Variants in CTBP1 observed in about 807,000 individuals in gnomAD.
CTBP1 encodes the protein C-terminal-binding protein 1.
CTBP1 carries 11 observed loss-of-function variants against 42.1 expected under a neutral mutation model. That is an observed-to-expected ratio of 0.26 (90% CI 0.16 to 0.43). CTBP1 has a LOEUF of 0.43. Ranked by LOEUF, CTBP1 falls within the 20% of genes least tolerant of loss-of-function variation. The pLI is 1.00. For synonymous variants in CTBP1, 324 were observed against 277.1 expected, an observed-to-expected ratio of 1.17 and a Z score of -1.68; for missense variants, 399 against 624.3, an observed-to-expected ratio of 0.64 and a Z score of 3.85.
chr4:1,220,324 A>G (rs1389170868), intron 5 of CTBP1, among the ~76,000 whole-genome samples: 1 of 152,148 alleles, frequency 6.6e-6, no homozygotes, highest in African/African-American at 2.4e-5. Context: ...TTAAACATTT[A>G]TAACAGCATT....
At chr4:1,244,357 G>C (rs1434235514) in intron 1 of CTBP1, 1 of 978,046 alleles carries the variant, frequency 1.0e-6, no homozygotes. Context: ...TGGGCACTGG[G>C]GGGGGGGTGT....
chr4:1,214,556 C>A, intron 6 of CTBP1, 83 bp from the exon 7 acceptor site: 3 of 1,469,964 alleles, frequency 2.0e-6, no homozygotes, highest in Non-Finnish European at 2.7e-6. Context: ...TCACGCACGC[C>A]GTTGGGAAGG....
rs537598958 is a variant in CTBP1, at chr4:1,244,186, G to C, written c.-188-2667C>G. On this transcript the variant is annotated intron_variant, in intron 1 of 9. Transcript: ENST00000382952. The stretch of plus-strand genomic sequence containing the variant: ...GATGCACATCACCATCTGCTTGCCG[G>C]ATCCTCCCTCCTGTTGGCCACGCCT... The C allele has an allele frequency of 3.8e-5, 37 of 985,142 alleles. No individual in the cohort carries two copies. The African/African-American group carries it at 6.3e-4, about 17-fold the overall frequency. 61.0% of individuals were successfully genotyped at this position (985,142 alleles called of 1,614,324 possible). A position where few individuals can be genotyped will look rare whatever the true frequency, so the allele number is the denominator to read the frequency against.
chr4:1,242,338 G>A (rs1732264195), intron 1 of CTBP1: 3 of 985,358 alleles, frequency 3.0e-6, no homozygotes, highest in Middle Eastern at 5.2e-4. Context: ...TGACCCCAAC[G>A]TGCAGCTGAC....
intron 3 of CTBP1, among the ~76,000 whole-genome samples, chr4:1,234,195 CCA>C (rs1333784792): frequency 6.6e-6 from 1 of 152,260 alleles, no homozygotes; most frequent in South Asian, 2.1e-4. Context: ...CCTGCAGACT[CCA>C]CACACAGCCC....
At position 1,225,387 on chromosome 4, in the gene CTBP1, C is replaced by T. The variant is rs556334680; in HGVS notation, c.487G>A (p.Gly163Arg). The change falls in exon 5 of 10, where the codon GGG becomes AGG. Residue 163 changes from glycine to arginine, a missense_variant. Around this residue, in one of 4 missense-constraint regions of CTBP1, gnomAD observed 309 missense variants for 497.5 expected, o/e 0.62. Coordinates refer to ENST00000382952, the MANE Select transcript of CTBP1 (RefSeq NM_001012614.2). Reference sequence around the variant, plus strand: ...AGTCCGATGATGCCCAAGGTCTCCCCGCGGATCCTGGCAGCGCCGGACGCC... The same window carrying T: ...AGTCCGATGATGCCCAAGGTCTCCCTGCGGATCCTGGCAGCGCCGGACGCC... ...EVASGAARIR[G>R]ETLGIIGLGR... The T allele has an allele frequency of 5.7e-6, 9 of 1,566,420 alleles. No homozygotes were observed. Among genetic ancestry groups the T allele is most frequent in the East Asian group, 2.4e-5 (1 of 41,932 alleles).
chr4:1,242,530 C>T (rs1244331300), intron 1 of CTBP1: 2 of 984,992 alleles, frequency 2.0e-6, no homozygotes, highest in Non-Finnish European at 2.4e-6. Flanking sequence ...TCAACTCCCT[C>T]TGCAGGATTC....
At chr4:1,214,632 G>A (rs567794580) in intron 6 of CTBP1, among the ~76,000 whole-genome samples, 159 bp from the exon 7 acceptor site, 2 of 152,330 alleles carry the variant, frequency 1.3e-5, no homozygotes, top group East Asian at 3.9e-4. Flanking sequence ...TGAAGGCCTC[G>A]GGCGTGCTGC....
chr4:1,231,160 A>G (rs12643212), intron 3 of CTBP1: 48,369 of 152,232 alleles, frequency 0.32, 9,136 homozygotes, highest in Non-Finnish European at 0.42. Flanking sequence ...TGTGCGCTTT[A>G]CCACGTGGCG....
chr4:1,244,635 T>C (rs1337312593), intron 1 of CTBP1: 15 of 985,230 alleles, frequency 1.5e-5, no homozygotes, highest in Non-Finnish European at 1.8e-5. Context: ...CTAAAGCCGC[T>C]GCCCAGGAAG....
intron 5 of CTBP1, among the ~76,000 whole-genome samples, chr4:1,222,716 G>A (rs1372653209): frequency 3.3e-5 from 5 of 152,178 alleles, no homozygotes; most frequent in Admixed American, 3.3e-4. Flanking sequence ...CTCAGCACGG[G>A]GCCCTGGGAG....
rs112413071 is a variant in CTBP1, at chr4:1,225,602, C to T, written c.308-36G>A. The T allele has an allele frequency of 5.9e-5, 90 of 1,521,900 alleles. 1 individual carries two copies. In the African/African-American group the frequency reaches 9.3e-4, roughly 16 times the overall value. 94.3% of individuals were successfully genotyped at this position (1,521,900 alleles called of 1,614,324 possible). ...AAGGACACGGCGGTCACCCCCGGGCCGGGCCCAGCCTCCGGGAGGACACCG... is the reference window on the plus strand; with the variant it reads ...AAGGACACGGCGGTCACCCCCGGGCTGGGCCCAGCCTCCGGGAGGACACCG... On this transcript the variant is annotated intron_variant, in intron 4 of 9. Transcript: ENST00000382952.
At chr4:1,226,427 G>A (rs3775104) in intron 4 of CTBP1, among the ~76,000 whole-genome samples, 1 of 152,062 alleles carries the variant, frequency 6.6e-6, no homozygotes, top group Non-Finnish European at 1.5e-5. Flanking sequence ...GGTTCCGCAA[G>A]GGGTCCCGGG....
At chr4:1,214,256 G>A (rs1036836403) in intron 7 of CTBP1, 87 bp downstream of exon 7, 2 of 1,419,672 alleles carry the variant, frequency 1.4e-6, no homozygotes, top group Non-Finnish European at 1.8e-6. Context: ...GCAAGTGTCC[G>A]GCCTGGCAGA....
rs768492475 is a variant in CTBP1, at chr4:1,238,094, C to T, written c.162+89G>A. ...GCTCCTGCCCCAGTGGCACCCAGAC[C>T]TGCTGTGGCCCGGGCCTGCCGTGCT... On this transcript the variant is annotated intron_variant, in intron 3 of 9. Transcript: ENST00000382952. This position sits in a 1 kb window ranked among gnomAD's most constrained non-coding sequence, Gnocchi z 5.9. The T allele has an allele frequency of 3.1e-5, 48 of 1,564,120 alleles. 1 individual carries two copies. The South Asian group carries it at 5.0e-4, about 16-fold the overall frequency.
rs1731439783 is a variant in CTBP1, at chr4:1,235,815, G to A, written c.162+2368C>T. 6.6e-6 allele frequency: 1 copy of A among 152,238 alleles called. No individual in the cohort carries two copies. Among genetic ancestry groups the A allele is most frequent in the Admixed American group, 6.5e-5 (1 of 15,290 alleles). The allele number at this position is 152,238 out of a possible 1,614,324, so 9.4% of individuals were successfully genotyped here. On this transcript the variant is annotated intron_variant, in intron 3 of 9. Transcript: ENST00000382952. This position sits in a 1 kb window ranked among gnomAD's most constrained non-coding sequence, Gnocchi z 4.2. Reference sequence around the variant, plus strand: ...ACCCCGCACCAGATGGTGATTTGTAGAAATGACCCGAGGCCTCGGCTGACG... The same window carrying A: ...ACCCCGCACCAGATGGTGATTTGTAAAAATGACCCGAGGCCTCGGCTGACG...
chr4:1,222,079 A>T (rs904763712), intron 5 of CTBP1, among the ~76,000 whole-genome samples: 2 of 152,212 alleles, frequency 1.3e-5, no homozygotes, highest in Non-Finnish European at 2.9e-5. Flanking sequence ...GTGTGTGCAC[A>T]GCAGAGGGCA....
chr4:1,243,972 A>G, intron 1 of CTBP1: 2 of 985,046 alleles, frequency 2.0e-6, no homozygotes, highest in Non-Finnish European at 2.4e-6. Context: ...AGCACATGGA[A>G]GCTTGTGCTT....
chr4:1,232,035 G>A (rs1371430551), intron 3 of CTBP1, among the ~76,000 whole-genome samples: 1 of 152,242 alleles, frequency 6.6e-6, no homozygotes, highest in African/African-American at 2.4e-5. Context: ...CTGATTGGGA[G>A]GAGTCTTTGA....
Sources: allele counts gnomAD v4.1 joint callset (sites outside exome capture counted in the v4.1 genomes callset), GRCh38; gene constraint gnomAD v4.1.1; regional missense constraint gnomAD v4.1.1; non-coding constraint Gnocchi (gnomAD v3.1); transcripts MANE v1.5; gene names NCBI Gene and HGNC (gene_info 2026-07-23, HGNC 2026-07-21).